Variants in VAV3 observed in about 807,000 individuals in gnomAD.
The protein encoded by VAV3 is vav guanine nucleotide exchange factor 3.
In VAV3, 94 loss-of-function variants were observed where a neutral mutation model predicts 131.2. That is an observed-to-expected ratio of 0.72 (90% CI 0.61 to 0.85). The LOEUF is 0.85. Among genes scored for constraint, VAV3 ranks in the 40% least tolerant of loss-of-function variants. The probability of loss-of-function intolerance (pLI) is 0.00; values close to 1 mark genes in which losing one functional copy is unlikely to be tolerated. For synonymous variants in VAV3, 349 were observed against 342.0 expected (o/e 1.02, Z -0.22); for missense variants, 939 against 1,002.7 (o/e 0.94, Z 0.86).
At chr1:107,846,701 G>C (rs1668985347) in intron 2 of VAV3, among the ~76,000 whole-genome samples, 1 of 152,096 alleles carries the variant, frequency 6.6e-6, no homozygotes, top group Non-Finnish European at 1.5e-5. Context: ...ATGGTAAAGG[G>C]ATAAATGCAA....
At chr1:107,871,800 T>A (rs192077265) in intron 2 of VAV3, among the ~76,000 whole-genome samples, 14 of 152,126 alleles carry the variant, frequency 9.2e-5, no homozygotes, top group African/African-American at 3.1e-4. Context: ...GAGGGAGAGC[T>A]TGGACAAAGT....
intron 19 of VAV3, among the ~76,000 whole-genome samples, chr1:107,643,088 T>C (rs1322676123): frequency 6.6e-6 from 1 of 152,122 alleles, no homozygotes; most frequent in Non-Finnish European, 1.5e-5. Flanking sequence ...AAGAATCAAT[T>C]TTTTCATCAA....
intron 1 of VAV3, among the ~76,000 whole-genome samples, chr1:107,943,497 T>C (rs1367317635): frequency 1.3e-5 from 2 of 152,154 alleles, no homozygotes; most frequent in Admixed American, 1.3e-4. Context: ...TCCCAGCACT[T>C]TGGGAGGCCG....
At chr1:107,817,725 T>C (rs1209228190) in intron 2 of VAV3, among the ~76,000 whole-genome samples, 1 of 151,886 alleles carries the variant, frequency 6.6e-6, no homozygotes, top group African/African-American at 2.4e-5. Context: ...TGGCAGAGCA[T>C]GAGAGGATGC....
At chr1:107,662,598 A>G (rs1455263168) in intron 19 of VAV3, among the ~76,000 whole-genome samples, 2 of 152,226 alleles carry the variant, frequency 1.3e-5, no homozygotes, top group Admixed American at 1.3e-4. Flanking sequence ...ATTTTATTCA[A>G]GGCCACTGGT....
chr1:107,922,979 G>T (rs1334724952), intron 1 of VAV3, among the ~76,000 whole-genome samples: 1 of 131,234 alleles, frequency 7.6e-6, no homozygotes, highest in African/African-American at 2.8e-5. Context: ...AAAAAAAAAA[G>T]AGCACAATTT....
intron 2 of VAV3, 62 bp downstream of exon 2, chr1:107,874,839 T>A (rs1670415091): frequency 7.0e-7 from 1 of 1,435,458 alleles, no homozygotes; most frequent in Non-Finnish European, 9.8e-7. Flanking sequence ...CTTCAAGATT[T>A]GAAACAATTT....
intron 15 of VAV3, among the ~76,000 whole-genome samples, chr1:107,731,202 A>C (rs1221715564): frequency 1.3e-5 from 2 of 152,222 alleles, no homozygotes; most frequent in Admixed American, 1.3e-4. Flanking sequence ...CAATTCAATC[A>C]GAAGTCTCCA....
intron 2 of VAV3, among the ~76,000 whole-genome samples, chr1:107,843,937 G>A (rs978532950): frequency 1.3e-5 from 2 of 152,056 alleles, no homozygotes; most frequent in African/African-American, 4.8e-5. Flanking sequence ...AAACTGAGAA[G>A]TATTCATGAT....
rs191159998 is a variant in VAV3, at chr1:107,718,761, C to T, written c.1503-13700G>A. On this transcript the variant is annotated intron_variant, in intron 15 of 26. Transcript: ENST00000370056. ...CCTGCATTACCAAGACAATCCTAAA[C>T]AAAAAGAACAAATCTGGAGGCATCA... Among the ~76,000 whole-genome samples, 770 of 152,250 alleles carry T rather than the reference C, an allele frequency of 5.1e-3. 7 individuals are homozygous for T. Among genetic ancestry groups the T allele is most frequent in the Non-Finnish European group, 9.1e-3 (622 of 68,024 alleles).
At chr1:107,580,352 A>T (rs560636600) in intron 25 of VAV3, among the ~76,000 whole-genome samples, 2 of 152,280 alleles carry the variant, frequency 1.3e-5, no homozygotes, top group East Asian at 3.9e-4. Flanking sequence ...AGCGAAATAT[A>T]TTCGGGTTCT....
chr1:107,691,756 T>C (rs1659438227), intron 17 of VAV3, among the ~76,000 whole-genome samples: 1 of 152,148 alleles, frequency 6.6e-6, no homozygotes, highest in African/African-American at 2.4e-5. Flanking sequence ...CATTCTTTCA[T>C]CATGTCCCAA....
chr1:107,939,904 G>A (rs1279569170), intron 1 of VAV3, among the ~76,000 whole-genome samples: 2 of 152,134 alleles, frequency 1.3e-5, no homozygotes, highest in African/African-American at 4.8e-5. Context: ...AGACAGGACA[G>A]GTAGAGAATG....
chr1:107,847,346 T>G (rs190734559), intron 2 of VAV3, among the ~76,000 whole-genome samples: 1 of 152,078 alleles, frequency 6.6e-6, no homozygotes, highest in Admixed American at 6.5e-5. Context: ...GCCACCCTAA[T>G]ATCACGGTTA....
chr1:107,640,360 T>C (rs982000672), intron 20 of VAV3, among the ~76,000 whole-genome samples: 8 of 152,022 alleles, frequency 5.3e-5, no homozygotes, highest in Non-Finnish European at 4.4e-5. Flanking sequence ...AAATAAGCCA[T>C]ACAAAAAACA....
intron 19 of VAV3, among the ~76,000 whole-genome samples, chr1:107,648,297 A>C (rs1040444583): frequency 6.6e-6 from 1 of 152,068 alleles, no homozygotes; most frequent in African/African-American, 2.4e-5. Context: ...CTACTGGAGT[A>C]TTAGTGAATC....
intron 17 of VAV3, among the ~76,000 whole-genome samples, chr1:107,699,985 G>C (rs1659998375): frequency 1.3e-5 from 2 of 152,178 alleles, no homozygotes; most frequent in African/African-American, 2.4e-5. Context: ...TTATGAGGCT[G>C]AGGAATTTGA....
chr1:107,944,215 C>G (rs1330354485), intron 1 of VAV3, among the ~76,000 whole-genome samples: 1 of 152,172 alleles, frequency 6.6e-6, no homozygotes, highest in Non-Finnish European at 1.5e-5. Context: ...ATGCCGGACC[C>G]CCTCTCATCT....
chr1:107,772,650 A>C (rs1665113876), intron 5 of VAV3, 85 bp downstream of exon 5: 2 of 1,184,178 alleles, frequency 1.7e-6, no homozygotes, highest in Non-Finnish European at 2.4e-6. Context: ...AAAAAATCCC[A>C]GCAGATGTTA....
Sources: allele counts gnomAD v4.1 joint callset (sites outside exome capture counted in the v4.1 genomes callset), GRCh38; gene constraint gnomAD v4.1.1; transcripts MANE v1.5; gene names NCBI Gene and HGNC (gene_info 2026-07-23, HGNC 2026-07-21).